Variants in EXOC5 observed in about 807,000 individuals in gnomAD.
The protein encoded by EXOC5 is SEC10-like 1.
EXOC5 carries 17 observed loss-of-function variants against 90.8 expected under a neutral mutation model. That is an observed-to-expected ratio of 0.19 (90% CI 0.13 to 0.28). The LOEUF (loss-of-function observed/expected upper bound fraction) is 0.28, where lower values mean the gene tolerates loss of function less well. Among genes scored for constraint, EXOC5 ranks in the 10% least tolerant of loss-of-function variants. The probability of loss-of-function intolerance (pLI) is 1.00; values close to 1 mark genes in which losing one functional copy is unlikely to be tolerated. For synonymous variants in EXOC5, 260 were observed against 270.0 expected (o/e 0.96, Z 0.36); for missense variants, 569 against 830.6 (o/e 0.69, Z 3.87).
At chr14:57,234,701 G>A (rs968422138) in intron 7 of EXOC5, among the ~76,000 whole-genome samples, 3 of 151,500 alleles carry the variant, frequency 2.0e-5, no homozygotes, top group Non-Finnish European at 4.4e-5. Context: ...GAGTAGCTGG[G>A]ACTACAGGCA....
At chr14:57,213,590 T>A (rs1489899148) in intron 15 of EXOC5, among the ~76,000 whole-genome samples, 2 of 151,724 alleles carry the variant, frequency 1.3e-5, no homozygotes, top group East Asian at 3.9e-4. Flanking sequence ...GTATTTTTAG[T>A]AGAGATGGGG....
intron 1 of EXOC5, among the ~76,000 whole-genome samples, chr14:57,255,845 A>C (rs548684362): frequency 6.6e-6 from 1 of 152,188 alleles, no homozygotes; most frequent in Non-Finnish European, 1.5e-5. Flanking sequence ...AAGCAAAAAA[A>C]AAAAAAAAAG....
chr14:57,257,198 G>A (rs1198993392), intron 1 of EXOC5, among the ~76,000 whole-genome samples: 1 of 152,198 alleles, frequency 6.6e-6, no homozygotes, highest in Non-Finnish European at 1.5e-5. Flanking sequence ...ATTACTCATT[G>A]AGGTAGAGGT....
chr14:57,264,348 G>A (rs1884606514), intron 1 of EXOC5, among the ~76,000 whole-genome samples: 1 of 152,106 alleles, frequency 6.6e-6, no homozygotes, highest in Admixed American at 6.6e-5. Flanking sequence ...TGTTTAACTA[G>A]CTTTTGTAAT....
Position 57,247,729 on chromosome 14 carries a change from T to C in EXOC5, c.28-17A>G, listed in dbSNP as rs997975833. On this transcript the variant is annotated splice_polypyrimidine_tract_variant and intron_variant, in intron 1 of 17. Coordinates refer to ENST00000621441, the MANE Select transcript of EXOC5 (RefSeq NM_006544.4). ...AAAAGGCTCCTAGTTTACAAAAAAA[T>C]ACGCTTTAACAAAGTTTCATATACA... 1.3e-5 allele frequency: 18 copies of C among 1,392,348 alleles called. No individual in the cohort carries two copies. Among genetic ancestry groups the C allele is most frequent in the Non-Finnish European group, 1.8e-5 (18 of 1,024,360 alleles). The allele number at this position is 1,392,348 out of a possible 1,614,324, so 86.2% of individuals were successfully genotyped here. A position where few individuals can be genotyped will look rare whatever the true frequency, so the allele number is the denominator to read the frequency against.
intron 4 of EXOC5, chr14:57,243,571 A>ACCTT (rs1189777497): frequency 6.6e-6 from 1 of 152,196 alleles, no homozygotes; most frequent in Non-Finnish European, 1.5e-5. Context: ...GAGCTAAATT[A>ACCTT]CCTTCTTTCA....
At position 57,229,836 on chromosome 14, in the gene EXOC5, T is replaced by A; in HGVS notation, c.1194A>T (p.Pro398=). ...KERIRQRTNL[P]LGPSIDTHGE... Reference sequence around the variant, plus strand: ...CATGAGTATCGATACTTGGCCCAAGTGGTAAGTTGGTACGCTGTCTAATTC... The same window carrying A: ...CATGAGTATCGATACTTGGCCCAAGAGGTAAGTTGGTACGCTGTCTAATTC... The change falls in exon 12 of 18, where the codon CCA becomes CCT. Residue 398 remains proline (P), a synonymous_variant. Coordinates refer to ENST00000621441, the MANE Select transcript of EXOC5 (RefSeq NM_006544.4). The A allele has an allele frequency of 6.6e-7, 1 of 1,523,102 alleles. No individual in the cohort carries two copies. The highest frequency in any genetic ancestry group is 8.9e-7 in the Non-Finnish European group (1 of 1,126,756). 94.3% of individuals were successfully genotyped at this position (1,523,102 alleles called of 1,614,324 possible).
rs1882612232 is a variant in EXOC5 at position 57,205,150 on chromosome 14, T to C, written c.*3459A>G. On this transcript the variant is annotated 3_prime_UTR_variant, in exon 18 of 18. Transcript: ENST00000621441. Reference sequence around the variant, plus strand: ...ATGTGCAAAGGACTTATTAGCACAGTGTGTGAGACTTAAATCAATACATGT... The same window carrying C: ...ATGTGCAAAGGACTTATTAGCACAGCGTGTGAGACTTAAATCAATACATGT... The C allele has an allele frequency of 6.6e-6, 1 of 152,082 alleles. No homozygotes were observed. The highest frequency in any genetic ancestry group is 1.5e-5 in the Non-Finnish European group (1 of 67,930). The allele number at this position is 152,082 out of a possible 1,614,324, so 9.4% of individuals were successfully genotyped here.
chr14:57,210,446 AT>A (rs1351202509), intron 15 of EXOC5, among the ~76,000 whole-genome samples: 2 of 152,128 alleles, frequency 1.3e-5, no homozygotes, highest in African/African-American at 4.8e-5. Flanking sequence ...AATTTTTCAG[AT>A]TTTGGAATAT....
chr14:57,266,717 ATG>A (rs1482845013), intron 1 of EXOC5, among the ~76,000 whole-genome samples: 1 of 108,786 alleles, frequency 9.2e-6, no homozygotes, highest in Non-Finnish European at 1.8e-5. Flanking sequence ...ATATATATAT[ATG>A]TGTATGTGTG....
intron 1 of EXOC5, among the ~76,000 whole-genome samples, chr14:57,252,069 A>G (rs1445742942): frequency 2.0e-5 from 3 of 152,160 alleles, no homozygotes; most frequent in Admixed American, 2.0e-4. Context: ...GTAATCAAAA[A>G]TCTCCCAACA....
At chr14:57,218,483 T>C (rs886225229) in intron 14 of EXOC5, among the ~76,000 whole-genome samples, 5 of 152,080 alleles carry the variant, frequency 3.3e-5, no homozygotes, top group Non-Finnish European at 5.9e-5. Context: ...CTATAAAATT[T>C]GGAGGGTAAC....
rs747818550 is a variant in EXOC5, at chr14:57,231,608, T to C, written c.1046A>G (p.Tyr349Cys). 6.2e-7 allele frequency: 1 copy of C among 1,613,026 alleles called. No homozygotes were observed. The highest frequency in any genetic ancestry group is 1.1e-5 in the South Asian group (1 of 91,050). The change falls in exon 11 of 18, where the codon TAT becomes TGT. Residue 349 changes from tyrosine (Y) to cysteine (C), a missense_variant. Physicochemically the swap from Tyr to Cys is radical, Grantham distance 194. Coordinates refer to ENST00000621441, the MANE Select transcript of EXOC5 (RefSeq NM_006544.4). ...CAAATATCCAGTCTCCACCTCAATA[T>C]AGTTCTCCAAATAGGAAATGAAAAT... ...KSIFISYLEN[Y>C]IEVETGYLKS...
At position 57,248,084 on chromosome 14, in the gene EXOC5, A is replaced by T. The variant is rs1232167690; in HGVS notation, c.28-372T>A. Among the ~76,000 whole-genome samples the T allele has an allele frequency of 2.0e-5, 3 of 151,610 alleles. No homozygotes were observed. The East Asian group carries it at 5.8e-4, about 29-fold the overall frequency. ...AAGATCAAATTATCCTTTTTTAAAA[A>T]TCTCACAAAGTTTTTTTTTTTTTTA... On this transcript the variant is annotated intron_variant, in intron 1 of 17. Transcript: ENST00000621441.
intron 2 of EXOC5, among the ~76,000 whole-genome samples, chr14:57,247,363 TG>T (rs1236897902): frequency 5.9e-5 from 9 of 152,140 alleles, no homozygotes; most frequent in African/African-American, 2.2e-4. Context: ...TTCTAGTTTA[TG>T]ACTCATTAGA....
chr14:57,241,673 A>G (rs368633278), intron 4 of EXOC5, among the ~76,000 whole-genome samples: 6 of 152,374 alleles, frequency 3.9e-5, no homozygotes, highest in East Asian at 1.9e-4. Context: ...ACATTTAGTC[A>G]GTTAAAACAT....
intron 6 of EXOC5, among the ~76,000 whole-genome samples, chr14:57,236,576 A>T (rs540059140): frequency 6.6e-6 from 1 of 152,170 alleles, no homozygotes; most frequent in East Asian, 1.9e-4. Flanking sequence ...GCGAACCACC[A>T]TGTCCGGCCC....
rs968964633 is a variant in EXOC5, at chr14:57,244,271, A to AC, written c.358dup (p.Val120GlyfsTer19). ...CACTGCCCGTTGTCTGGGTGTGTTT[A>AC]CCCCCTCTAACTGGTCTCCAAGGTG... On this transcript the variant is annotated frameshift_variant, in exon 4 of 18. Transcript: ENST00000621441. LOFTEE classifies it high-confidence loss of function. 1 of 1,613,152 alleles carries AC rather than the reference A, an allele frequency of 6.2e-7. No individual in the cohort carries two copies. The highest frequency in any genetic ancestry group is 8.5e-7 in the Non-Finnish European group (1 of 1,179,242).
intron 15 of EXOC5, among the ~76,000 whole-genome samples, chr14:57,215,662 T>C (rs914664350): frequency 9.2e-5 from 14 of 151,538 alleles, no homozygotes; most frequent in Admixed American, 6.6e-4. Context: ...TTTGAAGGAA[T>C]ATACCTAAAG....
Sources: gnomAD v4.1 joint callset for allele counts (sites outside exome capture counted in the v4.1 genomes callset) on GRCh38, gnomAD v4.1.1 for gene constraint, MANE v1.5 for transcripts, NCBI Gene and HGNC (gene_info 2026-07-23, HGNC 2026-07-21) for gene names.